The following CCDC150 variants were observed in gnomAD, a reference collection of about 807,000 sequenced individuals.
The protein encoded by CCDC150 is coiled-coil domain containing 150.
In CCDC150, 151 loss-of-function variants were observed where a neutral mutation model predicts 156.5. The ratio of observed to expected loss-of-function variants is 0.97; its 90% CI spans 0.85 to 1.10. CCDC150 has a LOEUF of 1.10. CCDC150 is among the 50% of genes least tolerant of loss of function. The probability of loss-of-function intolerance (pLI) is 0.00; values close to 1 mark genes in which losing one functional copy is unlikely to be tolerated. For synonymous variants in CCDC150, 452 were observed against 429.4 expected (o/e 1.05, Z -0.65); for missense variants, 1,312 against 1,268.1 (o/e 1.03, Z -0.53).
intron 15 of CCDC150, among the ~76,000 whole-genome samples, chr2:196,707,836 T>C (rs893526829): frequency 1.3e-5 from 2 of 152,242 alleles, no homozygotes; most frequent in African/African-American, 4.8e-5. Context: ...AGTGAGTTTC[T>C]TAATGCTAAT....
intron 20 of CCDC150, among the ~76,000 whole-genome samples, 169 bp from the exon 21 acceptor site, chr2:196,721,353 C>CGTATATATATATATGTATATATATATAT: frequency 7.5e-6 from 1 of 133,166 alleles, no homozygotes; most frequent in East Asian, 2.5e-4. Flanking sequence ...TATGTGTGTG[C>CGTATATATATATATGTATATATATATAT]ATATATATAT....
chr2:196,666,693 A>G, intron 6 of CCDC150, 26 bp from the exon 7 acceptor site: 1 of 1,565,722 alleles, frequency 6.4e-7, no homozygotes, highest in Non-Finnish European at 8.6e-7. Context: ...TCTCACAGAA[A>G]AAGAGTTTTT....
intron 13 of CCDC150, among the ~76,000 whole-genome samples, chr2:196,680,814 G>T (rs1265477854): frequency 6.6e-6 from 1 of 152,136 alleles, no homozygotes; most frequent in Admixed American, 6.5e-5. Flanking sequence ...TTCCAAAGTG[G>T]CTACACCATT....
At chr2:196,704,647 C>T (rs1326454273) in intron 15 of CCDC150, among the ~76,000 whole-genome samples, 1 of 152,056 alleles carries the variant, frequency 6.6e-6, no homozygotes, top group Non-Finnish European at 1.5e-5. Flanking sequence ...GTTTGCTGCA[C>T]CCATTAACTC....
rs767503546 is a variant in CCDC150 at position 196,721,674 on chromosome 2, G to A, written c.2412G>A (p.Gln804=). The A allele has an allele frequency of 6.3e-7, 1 of 1,597,992 alleles. No homozygotes were observed. Among genetic ancestry groups the A allele is most frequent in the African/African-American group, 1.3e-5 (1 of 74,660 alleles). ...TGGAAAGCAAAGAACTTGAGCGACA[G>A]AATTTGGAAACCTTCAAGTAAGAGC... ...EQLESKELER[Q]NLETFKDRMT... is the part of the protein sequence containing the mutation. The change falls in exon 21 of 28, where the codon CAG becomes CAA. Residue 804 remains glutamine (Q), a synonymous_variant. Coordinates refer to ENST00000389175, the MANE Select transcript of CCDC150 (RefSeq NM_001080539.2).
intron 17 of CCDC150, chr2:196,713,561 T>C (rs1282348926): frequency 9.0e-6 from 14 of 1,549,726 alleles, no homozygotes; most frequent in Non-Finnish European, 7.8e-6. Context: ...CTCTAGGATC[T>C]CTCTAAAGAC....
intron 13 of CCDC150, chr2:196,686,204 TG>T: frequency 3.3e-6 from 1 of 302,258 alleles, no homozygotes; most frequent in Non-Finnish European, 6.4e-6. Context: ...CACCTGTTAC[TG>T]CAAATTCAAA....
chr2:196,659,672 A>C (rs991252533), intron 5 of CCDC150, among the ~76,000 whole-genome samples: 2 of 152,166 alleles, frequency 1.3e-5, no homozygotes, highest in African/African-American at 4.8e-5. Flanking sequence ...AAGATATTGT[A>C]CTAGACTATT....
At chr2:196,645,029 T>C (rs1460983515) in intron 1 of CCDC150, among the ~76,000 whole-genome samples, 1 of 150,124 alleles carries the variant, frequency 6.7e-6, no homozygotes, top group African/African-American at 2.5e-5. Context: ...GAGGCTGAGG[T>C]GGGAGGATTG....
At chr2:196,720,536 C>A in intron 19 of CCDC150, 39 bp from the exon 20 acceptor site, 1 of 1,552,072 alleles carries the variant, frequency 6.4e-7, no homozygotes, top group Non-Finnish European at 8.9e-7. Context: ...CTACACGATT[C>A]TTTTCTGTAG....
In CCDC150 at chr2:196,729,841, C is replaced by T. The variant is rs765790734; in HGVS notation, c.2800C>T (p.Gln934Ter). The change falls in exon 24 of 28, where the codon CAG becomes TAG. Residue 934 changes from glutamine to a stop codon, truncating the protein, a stop_gained. Transcript: ENST00000389175. LOFTEE classifies it high-confidence loss of function. ...KQMELIKDQY[Q>*]KKNYEQSLSI... ...AATGGAGCTAATTAAGGATCAATAT[C>T]AGAAAAAGAACTATGAACAGGTAGA... 6.3e-7 allele frequency: 1 copy of T among 1,597,990 alleles called. No homozygotes were observed. The highest frequency in any genetic ancestry group is 2.2e-5 in the East Asian group (1 of 44,792).
rs369585801 is a variant in CCDC150 at position 196,644,554 on chromosome 2, GT to G, written c.13-1777del. ...AACATTACCAGGAGTCTCCACATCAGTTTTTTTTTTCCCAGAAATGTAGAGG... is the reference window on the plus strand; with the variant it reads ...AACATTACCAGGAGTCTCCACATCAGTTTTTTTTTCCCAGAAATGTAGAGG... On this transcript the variant is annotated intron_variant, in intron 1 of 27. Transcript: ENST00000389175. Among the ~76,000 whole-genome samples the G allele has an allele frequency of 9.4e-3, 1,414 of 149,758 alleles. 15 individuals are homozygous for G. Among genetic ancestry groups the G allele is most frequent in the African/African-American group, 0.03 (1,225 of 40,784 alleles).
Position 196,720,626 on chromosome 2 carries a change from G to T in CCDC150, c.2217G>T (p.Trp739Cys). ...VQKLEAEVDQ[W>C]QARMLVMEDQ... The stretch of plus-strand genomic sequence containing the variant: ...AGCTGGAAGCTGAAGTGGACCAGTG[G>T]CAGGCCAGGATGCTTGTCATGGAGG... Residue 739 changes from tryptophan to cysteine, a missense_variant, in exon 20 of 28, where the codon TGG (tryptophan) becomes TGT (cysteine). Trp to Cys is a radical substitution (Grantham distance 215). Coordinates refer to ENST00000389175, the MANE Select transcript of CCDC150 (RefSeq NM_001080539.2). 6.2e-7 allele frequency: 1 copy of T among 1,613,914 alleles called. No homozygotes were observed. The highest frequency in any genetic ancestry group is 1.3e-5 in the African/African-American group (1 of 75,064).
At chr2:196,688,170 T>C (rs1695225619) in intron 13 of CCDC150, among the ~76,000 whole-genome samples, 1 of 152,232 alleles carries the variant, frequency 6.6e-6, no homozygotes, top group African/African-American at 2.4e-5. Flanking sequence ...GGGAATAGCA[T>C]TGAATCTGTA....
intron 13 of CCDC150, among the ~76,000 whole-genome samples, chr2:196,682,115 C>T (rs988787272): frequency 4.0e-5 from 6 of 151,834 alleles, no homozygotes; most frequent in East Asian, 1.9e-4. Context: ...CTTTGATCCA[C>T]TTTGAGTTTA....
intron 7 of CCDC150, among the ~76,000 whole-genome samples, chr2:196,668,340 A>G (rs1693983999): frequency 6.6e-6 from 1 of 150,400 alleles, no homozygotes; most frequent in Admixed American, 6.6e-5. Flanking sequence ...AAGGATCCAC[A>G]CTGACTGTAC....
At chr2:196,659,958 C>A (rs1017293994) in intron 5 of CCDC150, among the ~76,000 whole-genome samples, 4 of 152,124 alleles carry the variant, frequency 2.6e-5, no homozygotes, top group African/African-American at 7.2e-5. Context: ...CCTAAAAATG[C>A]CCTGTGTTCC....
chr2:196,642,423 G>A (rs1692282950), intron 1 of CCDC150, among the ~76,000 whole-genome samples: 1 of 152,172 alleles, frequency 6.6e-6, no homozygotes, highest in South Asian at 2.1e-4. Context: ...CTACCAGATG[G>A]GGAGGACAGG....
chr2:196,667,135 T>C, intron 7 of CCDC150: 1 of 415,440 alleles, frequency 2.4e-6, no homozygotes, highest in Non-Finnish European at 4.4e-6. Flanking sequence ...GCTTGAATAT[T>C]GGGCAAAAAA....
Sources: gnomAD v4.1 joint callset for allele counts (sites outside exome capture counted in the v4.1 genomes callset) on GRCh38, gnomAD v4.1.1 for gene constraint, MANE v1.5 for transcripts, NCBI Gene and HGNC (gene_info 2026-07-23, HGNC 2026-07-21) for gene names.